The following SLC24A2 variants were observed in gnomAD, a reference collection of about 807,000 sequenced individuals.
SLC24A2 encodes the protein solute carrier family 24 member 2, also known as sodium/potassium/calcium exchanger 2.
Under a neutral mutation model 62.0 loss-of-function variants are expected in SLC24A2, and 36 were observed. That is an observed-to-expected ratio of 0.58 (90% confidence interval 0.44 to 0.77). The LOEUF is 0.77. Ranked by LOEUF, SLC24A2 falls within the 30% of genes least tolerant of loss-of-function variation. The pLI, the probability that SLC24A2 is intolerant of heterozygous loss-of-function variation, is 0.00. For synonymous variants in SLC24A2, 358 were observed against 294.0 expected (o/e 1.22, Z -2.23); for missense variants, 846 against 817.9 (o/e 1.03, Z -0.42).
At chr9:19,634,929 C>T (rs866784057) in intron 2 of SLC24A2, among the ~76,000 whole-genome samples, 1 of 152,208 alleles carries the variant, frequency 6.6e-6, no homozygotes, top group Non-Finnish European at 1.5e-5. Flanking sequence ...AGTAAGGTTA[C>T]CACTCAATTT....
chr9:19,963,990 C>T, the SLC24A2 span, among the ~76,000 whole-genome samples: 1 of 151,858 alleles, frequency 6.6e-6, no homozygotes, highest in Admixed American at 6.6e-5. Flanking sequence ...CAATGATAGA[C>T]TGGATTAAGA....
At chr9:19,708,753 A>G (rs923128792) in intron 2 of SLC24A2, among the ~76,000 whole-genome samples, 1 of 152,190 alleles carries the variant, frequency 6.6e-6, no homozygotes, top group Non-Finnish European at 1.5e-5. Flanking sequence ...ACAAAAATTA[A>G]TTCAAGATGG....
chr9:20,264,904 C>A, the SLC24A2 span, among the ~76,000 whole-genome samples: 6,471 of 152,268 alleles, frequency 0.042, 209 homozygotes, highest in African/African-American at 0.078. Context: ...GAGTTCAAGA[C>A]GGCTCAGGAG....
the SLC24A2 span, among the ~76,000 whole-genome samples, chr9:20,055,764 T>C: frequency 1.3e-5 from 2 of 152,030 alleles, no homozygotes; most frequent in African/African-American, 4.8e-5. Context: ...GGTGGGAGCC[T>C]GTAACCCCAG....
Position 19,550,243 on chromosome 9 carries a change from G to C in SLC24A2, c.1373C>G (p.Pro458Arg). Residue 458 changes from proline (P) to arginine (R), a missense_variant, in exon 8 of 11, where the codon CCT becomes CGT. Physicochemically the swap from Pro to Arg is moderately radical, Grantham distance 103. Transcript: ENST00000341998. ...AQTADEEEDQ[P>R]LSLAWPSETR... ...TTCAGAAGGCCAGGCAAGGCTGAGA[G>C]GCTGGTCCTCCTCCTCATCAGCGGT... 1 of 1,614,144 alleles carries C rather than the reference G, an allele frequency of 6.2e-7. No homozygotes were observed. Among genetic ancestry groups the C allele is most frequent in the Non-Finnish European group, 8.5e-7 (1 of 1,180,002 alleles).
At chr9:19,973,692 A>G in the SLC24A2 span, among the ~76,000 whole-genome samples, 7 of 152,374 alleles carry the variant, frequency 4.6e-5, no homozygotes, top group East Asian at 1.2e-3. Flanking sequence ...ATCAAATACA[A>G]AGTAGAAGGA....
intron 4 of SLC24A2, among the ~76,000 whole-genome samples, chr9:19,614,571 T>C (rs923547367): frequency 6.6e-6 from 1 of 152,166 alleles, no homozygotes; most frequent in African/African-American, 2.4e-5. Flanking sequence ...AAGTCTAATT[T>C]TGTCCCCATG....
the SLC24A2 span, among the ~76,000 whole-genome samples, chr9:19,938,269 T>C: frequency 1.3e-5 from 2 of 152,150 alleles, no homozygotes; most frequent in African/African-American, 2.4e-5. Flanking sequence ...AAAAACATGA[T>C]ATAGAAACTC....
In SLC24A2 at chr9:19,630,792, T is replaced by G. The variant is rs969175889; in HGVS notation, c.931-8493A>C. On this transcript the variant is annotated intron_variant, in intron 2 of 10. Transcript: ENST00000341998. ...AATATAAATGCAAATCTAAGTAAAC[T>G]TGGGGAAAAATAAAGGGCACAAATA... Among the ~76,000 whole-genome samples, 3 of 152,104 alleles carry G rather than the reference T, an allele frequency of 2.0e-5. No homozygotes were observed. The East Asian group carries it at 5.8e-4, about 29-fold the overall frequency.
At chr9:19,619,060 A>G (rs1817841583) in intron 4 of SLC24A2, among the ~76,000 whole-genome samples, 1 of 152,130 alleles carries the variant, frequency 6.6e-6, no homozygotes, top group Non-Finnish European at 1.5e-5. Flanking sequence ...TCTCAAAGAC[A>G]GGGCTTTTTA....
the SLC24A2 span, among the ~76,000 whole-genome samples, chr9:20,107,859 C>T: frequency 2.0e-5 from 3 of 152,108 alleles, no homozygotes; most frequent in Non-Finnish European, 4.4e-5. Context: ...TCTAATTAAC[C>T]TAAAGAGCTT....
chr9:19,730,615 G>A (rs1821307499), intron 2 of SLC24A2, among the ~76,000 whole-genome samples: 1 of 152,018 alleles, frequency 6.6e-6, no homozygotes, highest in African/African-American at 2.4e-5. Flanking sequence ...AAAGCTAGTT[G>A]TAGAATTTTA....
the SLC24A2 span, among the ~76,000 whole-genome samples, chr9:20,013,971 G>A: frequency 1.3e-5 from 2 of 152,206 alleles, no homozygotes; most frequent in Admixed American, 6.5e-5. Context: ...CACTTTGGGA[G>A]GCAGAGGTGG....
At chr9:19,829,810 TACACAC>T in the SLC24A2 span, among the ~76,000 whole-genome samples, 5,863 of 33,730 alleles carry the variant, frequency 0.17, 491 homozygotes, top group African/African-American at 0.28. Flanking sequence ...TATATATATA[TACACAC>T]ACACACACAC....
chr9:20,076,661 G>A, the SLC24A2 span, among the ~76,000 whole-genome samples: 352 of 152,128 alleles, frequency 2.3e-3, 1 homozygote, highest in Admixed American at 4.3e-3. Context: ...GGAGCCCTAG[G>A]AAACGAATAC....
chr9:19,816,709 G>A, the SLC24A2 span, among the ~76,000 whole-genome samples: 1 of 152,162 alleles, frequency 6.6e-6, no homozygotes, highest in South Asian at 2.1e-4. Context: ...TCACATGGCA[G>A]GAGCAGGAGC....
At chr9:19,657,922 G>T (rs954945602) in intron 2 of SLC24A2, among the ~76,000 whole-genome samples, 1 of 152,040 alleles carries the variant, frequency 6.6e-6, no homozygotes, top group Non-Finnish European at 1.5e-5. Context: ...TAGAGATGAG[G>T]TCTCACTATG....
At chr9:19,546,916 C>T (rs944654669) in intron 8 of SLC24A2, among the ~76,000 whole-genome samples, 4 of 152,156 alleles carry the variant, frequency 2.6e-5, no homozygotes, top group African/African-American at 7.2e-5. Flanking sequence ...CAGTCCCTCA[C>T]AGCTTCCCTT....
At chr9:19,608,510 C>T (rs1295025655) in intron 4 of SLC24A2, among the ~76,000 whole-genome samples, 5 of 152,096 alleles carry the variant, frequency 3.3e-5, no homozygotes, top group African/African-American at 1.2e-4. Context: ...CAGATAGAGT[C>T]CTGTGTGAGT....
Sources: allele counts gnomAD v4.1 joint callset (sites outside exome capture counted in the v4.1 genomes callset), GRCh38; gene constraint gnomAD v4.1.1; transcripts MANE v1.5; gene names NCBI Gene and HGNC (gene_info 2026-07-23, HGNC 2026-07-21).